Variants in NEMP2 observed in about 807,000 individuals in gnomAD.
NEMP2 encodes nuclear envelope integral membrane protein 2.
Under a neutral mutation model 54.2 loss-of-function variants are expected in NEMP2, and 53 were observed. That is an observed-to-expected ratio of 0.98 (90% CI 0.78 to 1.23). NEMP2 has a LOEUF of 1.23. Ranked by LOEUF, NEMP2 falls within the 50% of genes most tolerant of loss-of-function variation. The pLI is 0.00. For synonymous variants in NEMP2, 197 were observed against 190.3 expected (o/e 1.04, Z -0.29); for missense variants, 455 against 511.3 (o/e 0.89, Z 1.06).
chr2:190,592,306 G>GT, the NEMP2 span, among the ~76,000 whole-genome samples: 1 of 152,162 alleles, frequency 6.6e-6, no homozygotes, highest in South Asian at 2.1e-4. The surrounding 1 kb of genome is among the most constrained non-coding windows in gnomAD (Gnocchi z 4.4). Flanking sequence ...AATCTAAAGT[G>GT]TATGTATAGT....
At chr2:190,554,474 G>A in the NEMP2 span, among the ~76,000 whole-genome samples, 1 of 151,826 alleles carries the variant, frequency 6.6e-6, no homozygotes, top group African/African-American at 2.4e-5. The surrounding 1 kb of genome is among the most constrained non-coding windows in gnomAD (Gnocchi z 5.7). Context: ...GTGGAGGGAA[G>A]GGTGTCCACC....
the NEMP2 span, among the ~76,000 whole-genome samples, chr2:190,621,597 G>A: frequency 2.1e-5 from 3 of 143,956 alleles, no homozygotes; most frequent in Non-Finnish European, 3.1e-5. Flanking sequence ...CTGTCTTTGG[G>A]TTTTTTTTTT....
At chr2:190,583,389 T>C in the NEMP2 span, among the ~76,000 whole-genome samples, 1 of 152,170 alleles carries the variant, frequency 6.6e-6, no homozygotes, top group African/African-American at 2.4e-5. Flanking sequence ...CCAGGGTGAC[T>C]CTGAGTGGCT....
At chr2:190,626,851 T>C in the NEMP2 span, 1 of 152,210 alleles carries the variant, frequency 6.6e-6, no homozygotes, top group South Asian at 2.1e-4. This position sits in a 1 kb window ranked among gnomAD's most constrained non-coding sequence, Gnocchi z 4.5. Context: ...TATTACAGGA[T>C]GATGACGGTT....
At chr2:190,541,178 G>C in the NEMP2 span, among the ~76,000 whole-genome samples, 1 of 123,040 alleles carries the variant, frequency 8.1e-6, no homozygotes, top group Non-Finnish European at 1.8e-5. The surrounding 1 kb of genome is among the most constrained non-coding windows in gnomAD (Gnocchi z 5.2). Flanking sequence ...TTATATATAT[G>C]TGTATATATA....
the NEMP2 span, among the ~76,000 whole-genome samples, chr2:190,572,873 A>ATATATATATATATATATG: frequency 4.3e-4 from 47 of 110,234 alleles, 1 homozygote; most frequent in Non-Finnish European, 5.7e-4. Context: ...ATATATATAT[A>ATATATATATATATATATG]TATGTATATA....
chr2:190,495,469 T>C, the NEMP2 span, among the ~76,000 whole-genome samples: 2 of 152,030 alleles, frequency 1.3e-5, no homozygotes, highest in African/African-American at 4.8e-5. The surrounding 1 kb of genome is among the most constrained non-coding windows in gnomAD (Gnocchi z 4.7). Context: ...AATACCACCA[T>C]CATTCTTCAC....
At chr2:190,518,224 G>C (rs774674719) in intron 4 of NEMP2, among the ~76,000 whole-genome samples, 1 of 152,132 alleles carries the variant, frequency 6.6e-6, no homozygotes, top group African/African-American at 2.4e-5. Context: ...CAAAACATCA[G>C]AATAATATGT....
the NEMP2 span, among the ~76,000 whole-genome samples, chr2:190,542,023 G>A: frequency 5.3e-4 from 80 of 152,060 alleles, no homozygotes; most frequent in East Asian, 2.3e-3. This position sits in a 1 kb window ranked among gnomAD's most constrained non-coding sequence, Gnocchi z 4.6. Context: ...TCTCTTTGTC[G>A]TCTGAGTTTG....
chr2:190,518,246 G>C (rs1690632732), intron 4 of NEMP2, among the ~76,000 whole-genome samples: 1 of 152,146 alleles, frequency 6.6e-6, no homozygotes, highest in African/African-American at 2.4e-5. Context: ...TCTCAGATGA[G>C]AACTTGTCAG....
chr2:190,525,278 T>C lies in NEMP2; in HGVS notation c.198A>G (p.Ile66Met). 1 of 1,541,966 alleles carries C rather than the reference T, an allele frequency of 6.5e-7. No individual in the cohort carries two copies. Among genetic ancestry groups the C allele is most frequent in the Non-Finnish European group, 8.8e-7 (1 of 1,138,346 alleles). The change falls in exon 2 of 9, where the codon ATA becomes ATG. Residue 66 changes from isoleucine (I) to methionine (M), a missense_variant. Ile to Met is a conservative substitution (Grantham distance 10). Transcript: ENST00000409150. The surrounding 1 kb of genome is among the most constrained non-coding windows in gnomAD (Gnocchi z 5.0). Reference sequence around the variant, plus strand: ...AGGCCCTTACCTGCATAGTTGACCATATGTATTTCCACTCCACTTGGGAAT... The same window carrying C: ...AGGCCCTTACCTGCATAGTTGACCACATGTATTTCCACTCCACTTGGGAAT... Reference protein sequence around the residue: ...NQNSQVEWKYIWSTMQVKITS... With the variant: ...NQNSQVEWKYMWSTMQVKITS...
chr2:190,497,033 C>A, the NEMP2 span, among the ~76,000 whole-genome samples: 2 of 152,078 alleles, frequency 1.3e-5, no homozygotes, highest in East Asian at 3.9e-4. The surrounding 1 kb of genome is among the most constrained non-coding windows in gnomAD (Gnocchi z 5.2). Flanking sequence ...CCAAATACCA[C>A]CTGTTCCCCA....
the NEMP2 span, among the ~76,000 whole-genome samples, chr2:190,466,888 A>G: frequency 6.6e-6 from 1 of 152,162 alleles, no homozygotes; most frequent in African/African-American, 2.4e-5. Context: ...GAAGTTGTGA[A>G]CCGGTCACTC....
chr2:190,583,566 A>T, the NEMP2 span, among the ~76,000 whole-genome samples: 1 of 152,198 alleles, frequency 6.6e-6, no homozygotes, highest in African/African-American at 2.4e-5. Context: ...AGATTTGTGT[A>T]TATTCTTACT....
chr2:190,437,595 A>G, the NEMP2 span: 4 of 1,583,764 alleles, frequency 2.5e-6, no homozygotes, highest in Admixed American at 1.8e-5. The surrounding 1 kb of genome is among the most constrained non-coding windows in gnomAD (Gnocchi z 5.9). Flanking sequence ...GCCCCTCAGC[A>G]ATTGAACTTT....
At chr2:190,450,684 G>T in the NEMP2 span, among the ~76,000 whole-genome samples, 1 of 151,672 alleles carries the variant, frequency 6.6e-6, no homozygotes, top group South Asian at 2.1e-4. Flanking sequence ...GTAGAGACGA[G>T]GTTTTGTCAT....
At chr2:190,625,944 C>G in the NEMP2 span, 1 of 152,226 alleles carries the variant, frequency 6.6e-6, no homozygotes, top group African/African-American at 2.4e-5. Context: ...TTACTCCATT[C>G]AGGCAGCTGT....
At chr2:190,553,809 A>G in the NEMP2 span, among the ~76,000 whole-genome samples, 2 of 152,236 alleles carry the variant, frequency 1.3e-5, no homozygotes, top group East Asian at 3.8e-4. Flanking sequence ...CTACATCTCC[A>G]TGGACTCTTT....
chr2:190,437,941 G>A, the NEMP2 span, among the ~76,000 whole-genome samples: 6 of 152,278 alleles, frequency 3.9e-5, no homozygotes, highest in Admixed American at 2.6e-4. The surrounding 1 kb of genome is among the most constrained non-coding windows in gnomAD (Gnocchi z 5.9). Flanking sequence ...CAGAGCTTAA[G>A]TAGATAAAGT....
Sources: allele counts gnomAD v4.1 joint callset (sites outside exome capture counted in the v4.1 genomes callset), GRCh38; gene constraint gnomAD v4.1.1; non-coding constraint Gnocchi (gnomAD v3.1); transcripts MANE v1.5; gene names NCBI Gene and HGNC (gene_info 2026-07-23, HGNC 2026-07-21).